Variants in CRACDL observed in about 807,000 individuals in gnomAD.
CRACDL encodes the protein CRACD like, also known as CRACD-like protein.
A neutral mutation model predicts 70.6 loss-of-function variants in CRACDL; 26 were observed. The observed-to-expected ratio is 0.37, with a 90% CI of 0.27 to 0.51. The LOEUF is 0.51. Ranked by LOEUF, CRACDL falls within the 20% of genes least tolerant of loss-of-function variation. The pLI, the probability that CRACDL is intolerant of heterozygous loss-of-function variation, is 0.94. For missense variants in CRACDL, 1,283 were observed against 1,376.9 expected (o/e 0.93, Z 1.08); for synonymous variants, 618 against 615.2 (o/e 1.00, Z -0.07).
intron 1 of CRACDL, chr2:98,869,072 G>A: frequency 7.7e-7 from 1 of 1,302,560 alleles, no homozygotes; most frequent in Non-Finnish European, 1.0e-6. Flanking sequence ...CTCTCAGAGG[G>A]CCCACCTGGG....
At chr2:98,869,135 G>A (rs1263225237) in intron 1 of CRACDL, 19 of 1,304,368 alleles carry the variant, frequency 1.5e-5, no homozygotes, top group Non-Finnish European at 1.9e-5. Flanking sequence ...TGTGCTGTGA[G>A]CCTCCAGCTC....
chr2:98,849,315 T>A (rs1372530403), intron 1 of CRACDL, among the ~76,000 whole-genome samples: 1 of 152,134 alleles, frequency 6.6e-6, no homozygotes. Flanking sequence ...GGAGAAACCA[T>A]GATGTTACGC....
intron 1 of CRACDL, among the ~76,000 whole-genome samples, chr2:98,924,630 A>G (rs959709399): frequency 2.0e-5 from 3 of 152,182 alleles, no homozygotes; most frequent in African/African-American, 7.2e-5. Flanking sequence ...CGCTGGGCCC[A>G]GCAAGGTATG....
At chr2:98,816,384 A>G (rs955780755) in intron 7 of CRACDL, among the ~76,000 whole-genome samples, 2 of 152,156 alleles carry the variant, frequency 1.3e-5, no homozygotes, top group African/African-American at 2.4e-5. Context: ...TTTTACTATC[A>G]TTTTTAGGCC....
intron 7 of CRACDL, 99 bp from the exon 8 acceptor site, chr2:98,797,636 G>T: frequency 9.0e-7 from 1 of 1,116,760 alleles, no homozygotes; most frequent in Non-Finnish European, 1.3e-6. Flanking sequence ...CTTTGGTTCA[G>T]GGTTGCAGGG....
chr2:98,857,034 C>T (rs1213984082), intron 1 of CRACDL, among the ~76,000 whole-genome samples: 1 of 152,196 alleles, frequency 6.6e-6, no homozygotes, highest in Non-Finnish European at 1.5e-5. Flanking sequence ...CCAATATGAT[C>T]CCATGCATGG....
intron 7 of CRACDL, among the ~76,000 whole-genome samples, chr2:98,801,256 G>C (rs1704062693): frequency 1.3e-5 from 2 of 152,254 alleles, no homozygotes; most frequent in Admixed American, 1.3e-4. Flanking sequence ...TGGCAGAGGA[G>C]TGCAGGAATG....
rs1705170587 is a variant in CRACDL, at chr2:98,823,296, C to T, written c.977G>A (p.Gly326Asp). The T allele has an allele frequency of 2.1e-6, 3 of 1,424,796 alleles. No individual in the cohort carries two copies. The highest frequency in any genetic ancestry group is 2.7e-6 in the Non-Finnish European group (3 of 1,100,574). 88.3% of individuals were successfully genotyped at this position (1,424,796 alleles called of 1,614,324 possible). The part of the protein sequence containing the change: ...SALTASVEEG[G>D]VPGEDPSSRP... ...GCTTGAGGGGTCCTCCCCGGGGACGCCCCCCTCCTCCACGCTGGCCGTGAG... is the reference window on the plus strand; with the variant it reads ...GCTTGAGGGGTCCTCCCCGGGGACGTCCCCCTCCTCCACGCTGGCCGTGAG... The change falls in exon 7 of 10, where the codon GGC becomes GAC. Residue 326 changes from glycine (G) to aspartate (D), a missense_variant. By Grantham distance (94) the Gly-to-Asp change is moderately conservative (BLOSUM62 -1). This residue lies in a region of CRACDL where 362 missense variants were observed against 495.0 expected (regional missense o/e 0.73). Transcript: ENST00000397899. The surrounding 1 kb of genome is among the most constrained non-coding windows in gnomAD (Gnocchi z 4.0).
At chr2:98,845,991 T>C (rs918532169) in intron 2 of CRACDL, among the ~76,000 whole-genome samples, 2 of 152,210 alleles carry the variant, frequency 1.3e-5, no homozygotes, top group African/African-American at 4.8e-5. Context: ...CTGTTTCTCC[T>C]GAACTATATC....
At chr2:98,813,990 T>C (rs1179859873) in intron 7 of CRACDL, among the ~76,000 whole-genome samples, 1 of 152,204 alleles carries the variant, frequency 6.6e-6, no homozygotes, top group Non-Finnish European at 1.5e-5. Context: ...CGTAGAATTG[T>C]TCATAGTATT....
chr2:98,885,727 T>C (rs1707782495), intron 1 of CRACDL, among the ~76,000 whole-genome samples: 1 of 152,170 alleles, frequency 6.6e-6, no homozygotes, highest in South Asian at 2.1e-4. Flanking sequence ...GTTCTGCAAC[T>C]TGCCTCAGGA....
At chr2:98,893,822 C>T (rs766137264) in intron 1 of CRACDL, among the ~76,000 whole-genome samples, 1 of 152,178 alleles carries the variant, frequency 6.6e-6, no homozygotes, top group Non-Finnish European at 1.5e-5. Context: ...AAATCCATGC[C>T]GTCAGGGGTA....
chr2:98,907,706 G>A (rs1338577724), intron 1 of CRACDL, among the ~76,000 whole-genome samples: 3 of 152,218 alleles, frequency 2.0e-5, no homozygotes, highest in African/African-American at 7.2e-5. Context: ...GACCTGCACT[G>A]AGTGTTGTTC....
At chr2:98,801,589 A>G (rs1012307024) in intron 7 of CRACDL, among the ~76,000 whole-genome samples, 2 of 152,182 alleles carry the variant, frequency 1.3e-5, no homozygotes, top group Non-Finnish European at 2.9e-5. Context: ...TCCACGACCT[A>G]TGCCTCCCAG....
chr2:98,810,006 C>G (rs1213203898), intron 7 of CRACDL, among the ~76,000 whole-genome samples: 2 of 152,220 alleles, frequency 1.3e-5, no homozygotes, highest in Non-Finnish European at 2.9e-5. Context: ...CAGATCCACA[C>G]TCTTCAGTCT....
chr2:98,912,349 C>G (rs1332029137), intron 1 of CRACDL, among the ~76,000 whole-genome samples: 1 of 152,184 alleles, frequency 6.6e-6, no homozygotes, highest in South Asian at 2.1e-4. Flanking sequence ...AGGCACTGAG[C>G]CAGCCGTCTC....
chr2:98,924,552 A>G (rs571365769), intron 1 of CRACDL, among the ~76,000 whole-genome samples: 8 of 152,364 alleles, frequency 5.3e-5, no homozygotes, highest in African/African-American at 1.9e-4. Context: ...CACAGACAGG[A>G]GCCAGTTGAC....
intron 1 of CRACDL, among the ~76,000 whole-genome samples, chr2:98,868,746 C>A (rs1179850122): frequency 2.0e-5 from 3 of 152,216 alleles, no homozygotes; most frequent in Non-Finnish European, 4.4e-5. Flanking sequence ...CCATGGAGAT[C>A]CCAAGTGTAA....
At chr2:98,902,115 C>T (rs941072607) in intron 1 of CRACDL, among the ~76,000 whole-genome samples, 13 of 152,266 alleles carry the variant, frequency 8.5e-5, no homozygotes, top group South Asian at 4.2e-4. Flanking sequence ...TGACACTGAC[C>T]GATCCTAAAC....
Sources: allele counts gnomAD v4.1 joint callset (sites outside exome capture counted in the v4.1 genomes callset), GRCh38; gene constraint gnomAD v4.1.1; regional missense constraint gnomAD v4.1.1; non-coding constraint Gnocchi (gnomAD v3.1); transcripts MANE v1.5; gene names NCBI Gene and HGNC (gene_info 2026-07-23, HGNC 2026-07-21).